Variants in CEP112 observed in about 807,000 individuals in gnomAD.
CEP112 encodes centrosomal protein of 112 kDa.
A neutral mutation model predicts 153.0 loss-of-function variants in CEP112; 127 were observed. The observed-to-expected ratio is 0.83, with a 90% CI of 0.72 to 0.96. The LOEUF is 0.96. Ranked by LOEUF, CEP112 falls within the 40% of genes least tolerant of loss-of-function variation. The pLI is 0.00. For missense variants in CEP112, 1,089 were observed against 1,101.2 expected, an observed-to-expected ratio of 0.99 and a Z score of 0.16; for synonymous variants, 358 against 374.4, an observed-to-expected ratio of 0.96 and a Z score of 0.51.
intron 19 of CEP112, among the ~76,000 whole-genome samples, chr17:65,920,503 G>A (rs546213174): frequency 6.8e-6 from 1 of 147,240 alleles, no homozygotes; most frequent in East Asian, 2.0e-4. Context: ...GCAGAGTAGT[G>A]CCTGGTCCAG....
intron 6 of CEP112, among the ~76,000 whole-genome samples, chr17:66,107,616 T>C (rs763794479): frequency 9.9e-5 from 15 of 151,886 alleles, no homozygotes; most frequent in South Asian, 6.2e-4. Flanking sequence ...CAACAAAAAC[T>C]ATAAAACACT....
intron 21 of CEP112, among the ~76,000 whole-genome samples, chr17:65,776,123 G>A (rs1006023809): frequency 2.0e-5 from 3 of 152,286 alleles, no homozygotes; most frequent in South Asian, 2.1e-4. Flanking sequence ...ATGTCAAGCC[G>A]TGGCTTCGAA....
chr17:65,824,088 A>C (rs568796926), intron 21 of CEP112, among the ~76,000 whole-genome samples: 42 of 152,278 alleles, frequency 2.8e-4, no homozygotes, highest in African/African-American at 9.4e-4. Context: ...CAACAATCTC[A>C]TTTCTTTCTA....
intron 23 of CEP112, among the ~76,000 whole-genome samples, chr17:65,740,700 C>G (rs893627868): frequency 2.6e-5 from 4 of 152,130 alleles, no homozygotes; most frequent in Admixed American, 2.6e-4. Flanking sequence ...AATTAGCATG[C>G]ACGCTACTTT....
chr17:66,061,143 A>G (rs1414147949), intron 11 of CEP112, among the ~76,000 whole-genome samples: 1 of 152,166 alleles, frequency 6.6e-6, no homozygotes, highest in Non-Finnish European at 1.5e-5. Context: ...CATTTCTCAA[A>G]AGAAGACACA....
chr17:66,021,699 G>T (rs1354273322), intron 16 of CEP112, among the ~76,000 whole-genome samples: 2 of 152,136 alleles, frequency 1.3e-5, no homozygotes, highest in Non-Finnish European at 2.9e-5. Flanking sequence ...GCCACCTGCT[G>T]ACTACCTCTA....
At chr17:66,050,638 C>A (rs1439548175) in intron 12 of CEP112, among the ~76,000 whole-genome samples, 1 of 152,096 alleles carries the variant, frequency 6.6e-6, no homozygotes, top group Non-Finnish European at 1.5e-5. Flanking sequence ...ACCCCTTGTA[C>A]CTAACACTCC....
intron 4 of CEP112, among the ~76,000 whole-genome samples, chr17:66,172,109 A>G (rs906703574): frequency 3.3e-5 from 5 of 152,234 alleles, no homozygotes; most frequent in Non-Finnish European, 7.3e-5. Flanking sequence ...GGCAGTGTCT[A>G]ACACAATCTA....
At chr17:65,835,310 A>G (rs1330329230) in intron 21 of CEP112, among the ~76,000 whole-genome samples, 1 of 152,150 alleles carries the variant, frequency 6.6e-6, no homozygotes, top group Non-Finnish European at 1.5e-5. Context: ...ATGACTGAAA[A>G]TTTCTCAAAT....
rs200196075 is a variant in CEP112, at chr17:65,650,623, C to T, written c.2698-9558G>A. Among the ~76,000 whole-genome samples the T allele has an allele frequency of 2.0e-4, 30 of 149,868 alleles. No individual in the cohort carries two copies. In the East Asian group the frequency reaches 4.3e-3, roughly 21 times the overall value. ...TTTAATACCAAATACTGGCCAGGAG[C>T]GGTGGCTCATGCCTGTAATCCCAGC... On this transcript the variant is annotated intron_variant, in intron 24 of 26. Coordinates refer to ENST00000535342, the MANE Select transcript of CEP112 (RefSeq NM_001199165.4).
chr17:65,938,280 C>T lies in CEP112; in HGVS notation c.1873-10591G>A, dbSNP rs867189563. ...CAAGTACCCAGGGACACAAACACTG[C>T]GAAAGCCCGCAGGGTCCTCTGCCTA... On this transcript the variant is annotated intron_variant, in intron 18 of 26. Coordinates refer to ENST00000535342, the MANE Select transcript of CEP112 (RefSeq NM_001199165.4). 1.3e-3 allele frequency among the ~76,000 whole-genome samples: 191 copies of T among 142,190 alleles called. 2 individuals carry two copies. The highest frequency in any genetic ancestry group is 4.6e-3 in the African/African-American group (180 of 38,780). The allele number at this position is 142,190 out of a possible 152,430, so 93.3% of individuals were successfully genotyped here.
chr17:66,169,474 C>T (rs1343042045), intron 4 of CEP112, among the ~76,000 whole-genome samples: 3 of 151,780 alleles, frequency 2.0e-5, no homozygotes, highest in Admixed American at 6.6e-5. Context: ...TTAGTAGAGA[C>T]GGGGTTTCAC....
rs192806469 is a variant in CEP112 at position 65,703,263 on chromosome 17, C to T, written c.2608-14045G>A. ...GAGTGAAGGGCCAGCCACAGTGGCT[C>T]ACACTTTGGGAGGCTGAGGCGGGTG... On this transcript the variant is annotated intron_variant, in intron 23 of 26. Transcript: ENST00000535342. 3.3e-5 allele frequency among the ~76,000 whole-genome samples: 5 copies of T among 152,078 alleles called. No individual in the cohort carries two copies. The East Asian group carries it at 5.8e-4, about 18-fold the overall frequency.
At chr17:65,833,714 A>T (rs2057182648) in intron 21 of CEP112, among the ~76,000 whole-genome samples, 1 of 152,234 alleles carries the variant, frequency 6.6e-6, no homozygotes, top group African/African-American at 2.4e-5. Context: ...GAGAGAAGAC[A>T]CAAACAAATG....
intron 6 of CEP112, among the ~76,000 whole-genome samples, chr17:66,112,408 CAT>C (rs1183757784): frequency 1.3e-5 from 2 of 151,520 alleles, no homozygotes; most frequent in African/African-American, 4.8e-5. Flanking sequence ...GGCTCATAAA[CAT>C]ATAAAATATG....
intron 4 of CEP112, among the ~76,000 whole-genome samples, chr17:66,160,794 T>C (rs1444018972): frequency 2.6e-5 from 4 of 151,908 alleles, no homozygotes; most frequent in Non-Finnish European, 5.9e-5. Context: ...GGCTTCATGA[T>C]TAAAACACCA....
chr17:66,129,657 T>C (rs2070034718), intron 6 of CEP112, 89 bp downstream of exon 6: 4 of 931,514 alleles, frequency 4.3e-6, no homozygotes, highest in Middle Eastern at 2.9e-4. Context: ...CAACGTTCAC[T>C]GAATAAAATC....
intron 16 of CEP112, among the ~76,000 whole-genome samples, chr17:66,024,932 T>C (rs1007954754): frequency 2.6e-5 from 4 of 152,022 alleles, no homozygotes; most frequent in Non-Finnish European, 5.9e-5. Flanking sequence ...AGCATGGAAC[T>C]GGCATAAAAA....
intron 24 of CEP112, among the ~76,000 whole-genome samples, chr17:65,649,369 G>A (rs187636778): frequency 3.8e-4 from 58 of 152,174 alleles, no homozygotes; most frequent in African/African-American, 1.3e-3. Flanking sequence ...ATATGTCTCT[G>A]CATAGTCCTT....
Sources: allele counts gnomAD v4.1 joint callset (sites outside exome capture counted in the v4.1 genomes callset), GRCh38; gene constraint gnomAD v4.1.1; transcripts MANE v1.5; gene names NCBI Gene and HGNC (gene_info 2026-07-23, HGNC 2026-07-21).